Variants in NR2F2 observed in about 807,000 individuals in gnomAD.
The protein encoded by NR2F2 is nuclear receptor subfamily 2 group F member 2, also known as COUP transcription factor 2.
NR2F2 carries 2 observed loss-of-function variants against 34.8 expected under a neutral mutation model. That is an observed-to-expected ratio of 0.06 (90% CI 0.02 to 0.18). The LOEUF is 0.18. Among genes scored for constraint, NR2F2 ranks in the 10% least tolerant of loss-of-function variants. NR2F2 has a pLI of 1.00. For missense variants in NR2F2, 300 were observed against 580.1 expected (o/e 0.52, Z 4.96); for synonymous variants, 274 against 251.8 (o/e 1.09, Z -0.84).
intron 2 of NR2F2, 46 bp from the exon 3 acceptor site, chr15:96,337,302 C>T (rs377583848): frequency 4.5e-6 from 7 of 1,558,544 alleles, no homozygotes; most frequent in Middle Eastern, 1.7e-4. Flanking sequence ...TCTTCTTCTT[C>T]TTCTTTTTCT....
chr15:96,332,710 C>A, intron 1 of NR2F2, 163 bp downstream of exon 1: 1 of 1,408,626 alleles, frequency 7.1e-7, no homozygotes, highest in Non-Finnish European at 9.3e-7. Context: ...GGAACCCAGA[C>A]CCCAAATCCG....
At position 96,340,252 on chromosome 15, in the gene NR2F2, A is replaced by C. The variant is rs1899464992; in HGVS notation, c.*2630A>C. On this transcript the variant is annotated 3_prime_UTR_variant, in exon 3 of 3. Coordinates refer to ENST00000394166, the MANE Select transcript of NR2F2 (RefSeq NM_021005.4). ...TTAAATTATAATTTATGATTTTCAA[A>C]GCAAAAGACAATCCCTGTTTTATTA... is the stretch of plus-strand genomic sequence containing the variant. 6.6e-6 allele frequency: 1 copy of C among 152,234 alleles called. No homozygotes were observed. The allele number at this position is 152,234 out of a possible 1,614,324, so 9.4% of individuals were successfully genotyped here. A position where few individuals can be genotyped will look rare whatever the true frequency, so the allele number is the denominator to read the frequency against.
chr15:96,328,994 C>G (rs1011509097), upstream of NR2F2, among the ~76,000 whole-genome samples: 3 of 152,060 alleles, frequency 2.0e-5, no homozygotes, highest in African/African-American at 7.2e-5. Context: ...CTATGCATGT[C>G]AATTATATGT....
chr15:96,334,170 C>T lies in NR2F2; in HGVS notation c.537C>T (p.Ser179=), dbSNP rs143951395. 1.0e-4 allele frequency: 161 copies of T among 1,614,148 alleles called. No homozygotes were observed. The African/African-American group carries it at 1.9e-3, about 19-fold the overall frequency. Residue 179 remains serine, a synonymous_variant, in exon 2 of 3, where the codon TCC becomes TCT. Transcript: ENST00000394166. The part of the protein sequence containing the change: ...GDPLNCHSYL[S]GYISLLLRAE... ...CCCTCAACTGCCACTCGTACCTGTCCGGATATATTTCCCTGCTGTTGCGCG... is the reference window on the plus strand; with the variant it reads ...CCCTCAACTGCCACTCGTACCTGTCTGGATATATTTCCCTGCTGTTGCGCG...
chr15:96,331,056 G>A lies in NR2F2; in HGVS notation c.-1050G>A, dbSNP rs1899123147. The stretch of plus-strand genomic sequence containing the variant: ...CTATGTGTGTGAGGCGGCGGCGGCA[G>A]CAGCAGCAGCAGCGGCTCCGGCGGC... On this transcript the variant is annotated 5_prime_UTR_variant, in exon 1 of 3. Coordinates refer to ENST00000394166, the MANE Select transcript of NR2F2 (RefSeq NM_021005.4). The A allele has an allele frequency of 1.6e-6, 2 of 1,240,278 alleles. No individual in the cohort carries two copies. The highest frequency in any genetic ancestry group is 3.1e-5 in the East Asian group (1 of 31,948). The allele number at this position is 1,240,278 out of a possible 1,614,324, so 76.8% of individuals were successfully genotyped here.
Position 96,331,404 on chromosome 15 carries a change from G to A in NR2F2, c.-702G>A. 1 of 1,229,202 alleles carries A rather than the reference G, an allele frequency of 8.1e-7. No homozygotes were observed. The highest frequency in any genetic ancestry group is 1.0e-6 in the Non-Finnish European group (1 of 986,590). The allele number at this position is 1,229,202 out of a possible 1,614,324, so 76.1% of individuals were successfully genotyped here. A position where few individuals can be genotyped will look rare whatever the true frequency, so the allele number is the denominator to read the frequency against. ...GCCACTCCGCGGGCCGCCGGCCTCCGCCCCGGCCTGCCTGGCTCCCTGGGC... is the reference window on the plus strand; with the variant it reads ...GCCACTCCGCGGGCCGCCGGCCTCCACCCCGGCCTGCCTGGCTCCCTGGGC... On this transcript the variant is annotated 5_prime_UTR_variant, in exon 1 of 3. Coordinates refer to ENST00000394166, the MANE Select transcript of NR2F2 (RefSeq NM_021005.4).
rs1316572469 is a variant in NR2F2, at chr15:96,333,888, G to A, written c.443-188G>A. On this transcript the variant is annotated intron_variant, in intron 1 of 2. Transcript: ENST00000394166. ...TGTGCCCCTCTGGCCCTCAGAGCTCGCCTGGGTGGTGGTTTGAAAGGAATG... is the reference window on the plus strand; with the variant it reads ...TGTGCCCCTCTGGCCCTCAGAGCTCACCTGGGTGGTGGTTTGAAAGGAATG... 8 of 1,435,888 alleles carry A rather than the reference G, an allele frequency of 5.6e-6. No homozygotes were observed. In the Admixed American group the frequency reaches 1.7e-4, roughly 31 times the overall value. 88.9% of individuals were successfully genotyped at this position (1,435,888 alleles called of 1,614,324 possible).
chr15:96,334,626 CGT>C (rs764554963), intron 2 of NR2F2, 23 bp downstream of exon 2: 27 of 1,565,446 alleles, frequency 1.7e-5, no homozygotes, highest in Non-Finnish European at 2.3e-5. Flanking sequence ...CCTGTCTTCT[CGT>C]GCCCACGGGC....
At position 96,330,869 on chromosome 15, in the gene NR2F2, C is replaced by T. The variant is rs1406144323; in HGVS notation, c.-1237C>T. On this transcript the variant is annotated 5_prime_UTR_variant, in exon 1 of 3. Transcript: ENST00000394166. The stretch of plus-strand genomic sequence containing the variant: ...TCCTCCTCCTCTCCCCGAGTTGCCT[C>T]CTTTCTCCGGGTGCCGTACTGCCTT... The T allele has an allele frequency of 2.6e-6, 3 of 1,159,322 alleles. No homozygotes were observed. The highest frequency in any genetic ancestry group is 3.2e-6 in the Non-Finnish European group (3 of 940,878). 71.8% of individuals were successfully genotyped at this position (1,159,322 alleles called of 1,614,324 possible).
chr15:96,332,136 C>A lies in NR2F2; in HGVS notation c.31C>A (p.Pro11Thr). 7.4e-7 allele frequency: 1 copy of A among 1,358,058 alleles called. No individual in the cohort carries two copies. The highest frequency in any genetic ancestry group is 9.5e-7 in the Non-Finnish European group (1 of 1,055,098). 84.1% of individuals were successfully genotyped at this position (1,358,058 alleles called of 1,614,324 possible). MAMVVSTWRDPQDEVPGSQGS... is the reference protein window; with the variant it reads MAMVVSTWRDTQDEVPGSQGS... ...AATGGTAGTCAGCACGTGGCGCGAC[C>A]CCCAGGACGAGGTGCCCGGCTCACA... The change falls in exon 1 of 3, where the codon CCC becomes ACC. Residue 11 changes from proline (P) to threonine (T), a missense_variant. Around this residue, in one of 6 missense-constraint regions of NR2F2, gnomAD observed 105 missense variants for 107.8 expected, o/e 0.97. Coordinates refer to ENST00000394166, the MANE Select transcript of NR2F2 (RefSeq NM_021005.4).
chr15:96,329,315 A>G (rs1161939266), upstream of NR2F2, among the ~76,000 whole-genome samples: 2 of 152,212 alleles, frequency 1.3e-5, no homozygotes, highest in African/African-American at 4.8e-5. Context: ...GCAATTCTAC[A>G]TGTTTGATGT....
rs973033165 is a variant in NR2F2, at chr15:96,338,424, G to A, written c.*802G>A. 1 of 152,604 alleles carries A rather than the reference G, an allele frequency of 6.6e-6. No individual in the cohort carries two copies. The highest frequency in any genetic ancestry group is 6.5e-5 in the Admixed American group (1 of 15,288). 9.5% of individuals were successfully genotyped at this position (152,604 alleles called of 1,614,324 possible). Reference sequence around the variant, plus strand: ...ATTGGCAGCCAAGGAATGTGTCCAAGACACATGCTGAGGTTTTGAATAAAA... The same window carrying A: ...ATTGGCAGCCAAGGAATGTGTCCAAAACACATGCTGAGGTTTTGAATAAAA... On this transcript the variant is annotated 3_prime_UTR_variant, in exon 3 of 3. Transcript: ENST00000394166.
At chr15:96,334,729 T>A in intron 2 of NR2F2, 126 bp downstream of exon 2, 1 of 1,043,396 alleles carries the variant, frequency 9.6e-7, no homozygotes, top group Non-Finnish European at 1.4e-6. Flanking sequence ...GAGTGCAACT[T>A]AAAGTGGGAA....
chr15:96,330,202 G>C (rs1163856694), upstream of NR2F2, among the ~76,000 whole-genome samples: 3 of 152,154 alleles, frequency 2.0e-5, no homozygotes, highest in Non-Finnish European at 2.9e-5. Context: ...CGGGTGGTGC[G>C]CGAGCGGCGG....
upstream of NR2F2, among the ~76,000 whole-genome samples, chr15:96,329,118 A>C (rs1413885709): frequency 2.0e-5 from 3 of 151,998 alleles, no homozygotes; most frequent in Non-Finnish European, 4.4e-5. Flanking sequence ...CCTGGAGCTC[A>C]GCGTCTTTTG....
upstream of NR2F2, among the ~76,000 whole-genome samples, chr15:96,330,319 C>T (rs1899094368): frequency 6.6e-6 from 1 of 151,960 alleles, no homozygotes; most frequent in Non-Finnish European, 1.5e-5. Flanking sequence ...CTAGTCTCCC[C>T]GCCGGGGCGG....
At position 96,334,537 on chromosome 15, in the gene NR2F2, C is replaced by T. The variant is rs1899259499; in HGVS notation, c.904C>T (p.Leu302Phe). Residue 302 changes from leucine to phenylalanine, a missense_variant, in exon 2 of 3, where the codon CTC becomes TTC. Transcript: ENST00000394166. The part of the protein sequence containing the change: ...IRIFQEQVEK[L>F]KALHVDSAEY... ...GATCTTCCAAGAGCAAGTGGAGAAG[C>T]TCAAGGCGCTGCACGTTGACTCAGC... The T allele has an allele frequency of 1.2e-6, 2 of 1,613,496 alleles. No individual in the cohort carries two copies. Among genetic ancestry groups the T allele is most frequent in the Non-Finnish European group, 1.7e-6 (2 of 1,179,968 alleles).
At chr15:96,330,558 G>C (rs2141164602), upstream of NR2F2, among the ~76,000 whole-genome samples, 1 of 149,612 alleles carries the variant, frequency 6.7e-6, no homozygotes, top group East Asian at 2.0e-4. Context: ...GCCAATGACG[G>C]CGAGGGGGCG....
At chr15:96,329,038 A>AT (rs1256128221), upstream of NR2F2, among the ~76,000 whole-genome samples, 8 of 151,012 alleles carry the variant, frequency 5.3e-5, no homozygotes, top group South Asian at 6.3e-4. Flanking sequence ...TACCCTGTCA[A>AT]TTTTTTTTTC....
Sources: allele counts gnomAD v4.1 joint callset (sites outside exome capture counted in the v4.1 genomes callset), GRCh38; gene constraint gnomAD v4.1.1; regional missense constraint gnomAD v4.1.1; transcripts MANE v1.5; gene names NCBI Gene and HGNC (gene_info 2026-07-23, HGNC 2026-07-21).